OSBPL3: variants seen among roughly 807,000 people sequenced by gnomAD.
The protein encoded by OSBPL3 is oxysterol binding protein like 3, also known as oxysterol-binding protein-related protein 3.
In OSBPL3, 65 loss-of-function variants were observed where a neutral mutation model predicts 120.1. That is an observed-to-expected ratio of 0.54 (90% CI 0.44 to 0.67). OSBPL3 has a LOEUF of 0.67. Ranked by LOEUF, OSBPL3 falls within the 30% of genes least tolerant of loss-of-function variation. The probability of loss-of-function intolerance (pLI) is 0.00; values close to 1 mark genes in which losing one functional copy is unlikely to be tolerated. For missense variants in OSBPL3, 1,004 were observed against 1,082.1 expected, an observed-to-expected ratio of 0.93 and a Z score of 1.01; for synonymous variants, 416 against 402.6, an observed-to-expected ratio of 1.03 and a Z score of -0.40.
In OSBPL3 at chr7:24,806,661, C is replaced by T. The variant is rs1406655028; in HGVS notation, c.2444+115G>A. On this transcript the variant is annotated intron_variant, in intron 21 of 22. Coordinates refer to ENST00000313367, the MANE Select transcript of OSBPL3 (RefSeq NM_015550.4). This position sits in a 1 kb window ranked among gnomAD's most constrained non-coding sequence, Gnocchi z 5.2. ...TTTAAAGCATCCCCACCTCTCAATT[C>T]CTGATGACATTTTCCACCTTTCTCA... 3.3e-6 allele frequency: 3 copies of T among 919,368 alleles called. No individual in the cohort carries two copies. Among genetic ancestry groups the T allele is most frequent in the East Asian group, 5.0e-5 (2 of 39,712 alleles). The allele number at this position is 919,368 out of a possible 1,614,324, so 57.0% of individuals were successfully genotyped here.
intron 2 of OSBPL3, among the ~76,000 whole-genome samples, chr7:24,884,983 A>C (rs1804276316): frequency 6.6e-6 from 1 of 152,098 alleles, no homozygotes; most frequent in Non-Finnish European, 1.5e-5. Context: ...GACATTATGA[A>C]ATTGAAAGAA....
intron 14 of OSBPL3, among the ~76,000 whole-genome samples, chr7:24,837,034 T>G (rs1797087424): frequency 6.6e-6 from 1 of 152,042 alleles, no homozygotes; most frequent in African/African-American, 2.4e-5. Context: ...GAGATTTTAC[T>G]ATGTTGCCAA....
At chr7:24,893,578 G>A (rs1203862451) in intron 1 of OSBPL3, among the ~76,000 whole-genome samples, 1 of 152,126 alleles carries the variant, frequency 6.6e-6, no homozygotes, top group South Asian at 2.1e-4. Flanking sequence ...TTGGGAGGCC[G>A]AAGTGGGAGG....
At chr7:24,901,195 C>A (rs1204094225) in intron 1 of OSBPL3, among the ~76,000 whole-genome samples, 1 of 151,914 alleles carries the variant, frequency 6.6e-6, no homozygotes, top group Non-Finnish European at 1.5e-5. Context: ...GGCACAGTGG[C>A]AGGCGCCTGT....
Position 24,880,792 on chromosome 7 carries a change from G to A in OSBPL3, c.97-8723C>T, listed in dbSNP as rs375977806. Among the ~76,000 whole-genome samples, 18 of 152,270 alleles carry A rather than the reference G, an allele frequency of 1.2e-4. 1 individual carries two copies. Among genetic ancestry groups the A allele is most frequent in the Admixed American group, 4.6e-4 (7 of 15,296 alleles). On this transcript the variant is annotated intron_variant, in intron 2 of 22. Coordinates refer to ENST00000313367, the MANE Select transcript of OSBPL3 (RefSeq NM_015550.4). ...CATGAGCACACACCTTGTATGAAGGGGAGAAAAACTCCAAAACAGGCTCCT... is the reference window on the plus strand; with the variant it reads ...CATGAGCACACACCTTGTATGAAGGAGAGAAAAACTCCAAAACAGGCTCCT...
Position 24,871,257 on chromosome 7 carries a change from T to C in OSBPL3, c.268-412A>G, listed in dbSNP as rs1358008535. 2.6e-5 allele frequency among the ~76,000 whole-genome samples: 4 copies of C among 152,148 alleles called. No individual in the cohort carries two copies. The highest frequency in any genetic ancestry group is 5.9e-5 in the Non-Finnish European group (4 of 68,022). On this transcript the variant is annotated intron_variant, in intron 4 of 22. Coordinates refer to ENST00000313367, the MANE Select transcript of OSBPL3 (RefSeq NM_015550.4). This position sits in a 1 kb window ranked among gnomAD's most constrained non-coding sequence, Gnocchi z 4.8. ...AATAAAAGAAGTGAGAGCAGAAGGCTGAGAGAGGACAGGAGAGGAAGAAGG... is the reference window on the plus strand; with the variant it reads ...AATAAAAGAAGTGAGAGCAGAAGGCCGAGAGAGGACAGGAGAGGAAGAAGG...
rs916805818 is a variant in OSBPL3 at position 24,799,037 on chromosome 7, A to C, written c.*1146T>G. 4 of 152,662 alleles carry C rather than the reference A, an allele frequency of 2.6e-5. No homozygotes were observed. Among genetic ancestry groups the C allele is most frequent in the African/African-American group, 4.8e-5 (2 of 41,458 alleles). The allele number at this position is 152,662 out of a possible 1,614,324, so 9.5% of individuals were successfully genotyped here. On this transcript the variant is annotated 3_prime_UTR_variant, in exon 23 of 23. Transcript: ENST00000313367. This position sits in a 1 kb window ranked among gnomAD's most constrained non-coding sequence, Gnocchi z 5.3. The stretch of plus-strand genomic sequence containing the variant: ...ACAAAAGAATGATATGGATAACAAG[A>C]AAGTATAGGAAAGGGGTAAGACACT...
chr7:24,882,091 G>C (rs1176733496), intron 2 of OSBPL3, among the ~76,000 whole-genome samples: 5 of 152,098 alleles, frequency 3.3e-5, no homozygotes, highest in Non-Finnish European at 7.4e-5. Flanking sequence ...TCCAGCATTA[G>C]GATGTGGATA....
intron 1 of OSBPL3, among the ~76,000 whole-genome samples, chr7:24,976,292 T>C: frequency 6.6e-6 from 1 of 152,244 alleles, no homozygotes; most frequent in East Asian, 1.9e-4. Context: ...ATGTTATTAT[T>C]CACTATGTAA....
intron 5 of OSBPL3, among the ~76,000 whole-genome samples, chr7:24,868,172 C>G (rs1801598574): frequency 6.6e-6 from 1 of 151,808 alleles, no homozygotes; most frequent in Non-Finnish European, 1.5e-5. Flanking sequence ...CAAAAATTAG[C>G]TGGGTGTGGT....
intron 1 of OSBPL3, among the ~76,000 whole-genome samples, chr7:24,923,874 A>G (rs1200480230): frequency 1.3e-5 from 2 of 152,192 alleles, no homozygotes; most frequent in Non-Finnish European, 2.9e-5. Flanking sequence ...CATCACTCCA[A>G]TCAACCCTCT....
In OSBPL3 at chr7:24,863,447, G is replaced by C. The variant is rs372362628; in HGVS notation, c.777+49C>G. 1 of 1,501,078 alleles carries C rather than the reference G, an allele frequency of 6.7e-7. No individual in the cohort carries two copies. The highest frequency in any genetic ancestry group is 9.3e-7 in the Non-Finnish European group (1 of 1,077,004). The allele number at this position is 1,501,078 out of a possible 1,614,324, so 93.0% of individuals were successfully genotyped here. The stretch of plus-strand genomic sequence containing the variant: ...GTTAGTGAAAGGCTGGGAGGAGAAA[G>C]GAAAGCAGAAGAGGGCCAGAATGTC... On this transcript the variant is annotated intron_variant, in intron 8 of 22. Coordinates refer to ENST00000313367, the MANE Select transcript of OSBPL3 (RefSeq NM_015550.4). This position sits in a 1 kb window ranked among gnomAD's most constrained non-coding sequence, Gnocchi z 5.8.
intron 1 of OSBPL3, among the ~76,000 whole-genome samples, chr7:24,971,995 T>C (rs1817078484): frequency 1.3e-5 from 2 of 152,212 alleles, no homozygotes; most frequent in Non-Finnish European, 2.9e-5. Context: ...TGTATTCTTT[T>C]AGGCTTCACA....
rs1207204574 is a variant in OSBPL3 at position 24,824,655 on chromosome 7, A to G, written c.1885-4417T>C. Among the ~76,000 whole-genome samples, 1 of 152,222 alleles carries G rather than the reference A, an allele frequency of 6.6e-6. No homozygotes were observed. The highest frequency in any genetic ancestry group is 1.5e-5 in the Non-Finnish European group (1 of 68,044). ...TGTGTCAGGCACCGTCCTAGTCACC[A>G]AGGGTAAAAATTCTTACCCTGATGG... On this transcript the variant is annotated intron_variant, in intron 16 of 22. Coordinates refer to ENST00000313367, the MANE Select transcript of OSBPL3 (RefSeq NM_015550.4). The surrounding 1 kb of genome is among the most constrained non-coding windows in gnomAD (Gnocchi z 4.9).
Position 24,834,857 on chromosome 7 carries a change from A to G in OSBPL3, c.1496-121T>C, listed in dbSNP as rs1331888716. The G allele has an allele frequency of 4.5e-6, 4 of 891,852 alleles. No individual in the cohort carries two copies. The East Asian group carries it at 8.3e-5, about 19-fold the overall frequency. The allele number at this position is 891,852 out of a possible 1,614,324, so 55.2% of individuals were successfully genotyped here. Reference sequence around the variant, plus strand: ...ATGTTACTATTAAACTCAGTTGTTCAGAGTATGGCTGAAGTCAGAAAACCG... The same window carrying G: ...ATGTTACTATTAAACTCAGTTGTTCGGAGTATGGCTGAAGTCAGAAAACCG... On this transcript the variant is annotated intron_variant, in intron 14 of 22. Coordinates refer to ENST00000313367, the MANE Select transcript of OSBPL3 (RefSeq NM_015550.4). This position sits in a 1 kb window ranked among gnomAD's most constrained non-coding sequence, Gnocchi z 5.2.
intron 1 of OSBPL3, among the ~76,000 whole-genome samples, chr7:24,951,142 G>C (rs899801626): frequency 2.0e-5 from 3 of 152,106 alleles, no homozygotes; most frequent in African/African-American, 4.8e-5. Flanking sequence ...TCAAGAGGAT[G>C]GAAAGTAGGA....
rs748545993 is a variant in OSBPL3 at position 24,804,441 on chromosome 7, A to G, written c.2445-4T>C. ...TAAGTTCCCTTCCTCTAGAAACCTG[A>G]GGCATCGAGGAAAAAAAAATGAAAG... On this transcript the variant is annotated splice_polypyrimidine_tract_variant and splice_region_variant and intron_variant, in intron 21 of 22. Coordinates refer to ENST00000313367, the MANE Select transcript of OSBPL3 (RefSeq NM_015550.4). The surrounding 1 kb of genome is among the most constrained non-coding windows in gnomAD (Gnocchi z 5.4). The G allele has an allele frequency of 6.2e-7, 1 of 1,611,878 alleles. No individual in the cohort carries two copies. The highest frequency in any genetic ancestry group is 2.2e-5 in the East Asian group (1 of 44,854).
intron 19 of OSBPL3, among the ~76,000 whole-genome samples, chr7:24,812,199 T>C (rs962060582): frequency 2.0e-5 from 3 of 150,132 alleles, no homozygotes; most frequent in African/African-American, 7.4e-5. Flanking sequence ...CCCAGCTACT[T>C]GGGAGGCTGA....
Position 24,804,201 on chromosome 7 carries a change from A to G in OSBPL3, c.2567+114T>C. The G allele has an allele frequency of 7.8e-7, 1 of 1,287,996 alleles. No individual in the cohort carries two copies. The highest frequency in any genetic ancestry group is 2.3e-5 in the East Asian group (1 of 43,190). 79.8% of individuals were successfully genotyped at this position (1,287,996 alleles called of 1,614,324 possible). On this transcript the variant is annotated intron_variant, in intron 22 of 22. Transcript: ENST00000313367. The surrounding 1 kb of genome is among the most constrained non-coding windows in gnomAD (Gnocchi z 5.4). ...GCAGTACCCCCACGTGGAAGCAGGAAAAGCCTGGAGAATGCTCTTATCTGG... is the reference window on the plus strand; with the variant it reads ...GCAGTACCCCCACGTGGAAGCAGGAGAAGCCTGGAGAATGCTCTTATCTGG...
Sources: gnomAD v4.1 joint callset for allele counts (sites outside exome capture counted in the v4.1 genomes callset) on GRCh38, gnomAD v4.1.1 for gene constraint, Gnocchi (gnomAD v3.1) non-coding constraint, MANE v1.5 for transcripts, NCBI Gene and HGNC (gene_info 2026-07-23, HGNC 2026-07-21) for gene names.